Variants in TRAPPC8 observed in about 807,000 individuals in gnomAD.
The protein encoded by TRAPPC8 is general sporulation gene 1 homolog.
A neutral mutation model predicts 174.3 loss-of-function variants in TRAPPC8; 54 were observed. The ratio of observed to expected loss-of-function variants is 0.31; its 90% CI spans 0.25 to 0.39. The LOEUF is 0.39. Ranked by LOEUF, TRAPPC8 falls within the 10% of genes least tolerant of loss-of-function variation. The pLI is 1.00. For missense variants in TRAPPC8, 1,531 were observed against 1,699.1 expected (o/e 0.90, Z 1.74); for synonymous variants, 630 against 579.9 (o/e 1.09, Z -1.24).
rs532332844 is a variant in TRAPPC8, at chr18:31,835,147, G to A, written c.3984-2974C>T. ...CACAGTGACAGTAACTCAGTACAGC[G>A]AGAATTCTTTGGGGGAAAGGGGAAG... On this transcript the variant is annotated intron_variant, in intron 27 of 28. Transcript: ENST00000283351. 1.2e-4 allele frequency among the ~76,000 whole-genome samples: 19 copies of A among 152,196 alleles called. No homozygotes were observed. In the East Asian group the frequency reaches 2.9e-3, roughly 23 times the overall value.
intron 11 of TRAPPC8, chr18:31,896,269 G>A (rs1474039737): frequency 2.6e-5 from 4 of 151,982 alleles, no homozygotes; most frequent in African/African-American, 7.2e-5. Flanking sequence ...ATGAGAACTA[G>A]AACAGTAGAA....
intron 26 of TRAPPC8, among the ~76,000 whole-genome samples, chr18:31,840,904 C>G (rs971511594): frequency 1.3e-5 from 2 of 150,314 alleles, no homozygotes; most frequent in Non-Finnish European, 3.0e-5. Flanking sequence ...CACCCTGGGG[C>G]TACTGGTAAA....
At chr18:31,879,569 GAACA>G (rs1258272325) in intron 12 of TRAPPC8, among the ~76,000 whole-genome samples, 7 of 151,982 alleles carry the variant, frequency 4.6e-5, no homozygotes, top group Admixed American at 2.6e-4. Context: ...ACAGAAACAA[GAACA>G]AACCAAGCCC....
intron 12 of TRAPPC8, among the ~76,000 whole-genome samples, chr18:31,880,090 A>ATATATAT (rs1555668934): frequency 2.1e-4 from 18 of 85,352 alleles, no homozygotes; most frequent in Non-Finnish European, 3.5e-4. Context: ...TGAAAAAAAA[A>ATATATAT]ATATATATAT....
chr18:31,920,577 G>C (rs901470950), intron 2 of TRAPPC8, among the ~76,000 whole-genome samples: 1 of 150,836 alleles, frequency 6.6e-6, no homozygotes, highest in Non-Finnish European at 1.5e-5. Flanking sequence ...GAGGCAGGCA[G>C]ATCGATTGAG....
intron 14 of TRAPPC8, among the ~76,000 whole-genome samples, chr18:31,872,245 G>A (rs2034904598): frequency 6.6e-6 from 1 of 152,012 alleles, no homozygotes; most frequent in African/African-American, 2.4e-5. Flanking sequence ...ATAATGAAGA[G>A]CTTAATATAT....
At chr18:31,855,253 T>C (rs529891777) in intron 21 of TRAPPC8, among the ~76,000 whole-genome samples, 1 of 152,190 alleles carries the variant, frequency 6.6e-6, no homozygotes, top group African/African-American at 2.4e-5. Flanking sequence ...TTTCAGAAAT[T>C]TACTATATAA....
intron 1 of TRAPPC8, among the ~76,000 whole-genome samples, chr18:31,941,283 A>C (rs572899021): frequency 4.5e-4 from 68 of 152,270 alleles, no homozygotes; most frequent in Middle Eastern, 3.4e-3. Flanking sequence ...TCTCTACTAA[A>C]AATACAAAAA....
intron 24 of TRAPPC8, 105 bp downstream of exon 24, chr18:31,852,341 C>A (rs11081719): frequency 2.4e-5 from 31 of 1,309,554 alleles, no homozygotes; most frequent in Middle Eastern, 2.7e-4. Flanking sequence ...TGTCTCCCCC[C>A]CAAAAAAAAG....
intron 11 of TRAPPC8, among the ~76,000 whole-genome samples, chr18:31,891,761 T>C (rs1243602816): frequency 2.6e-5 from 4 of 152,308 alleles, no homozygotes; most frequent in South Asian, 2.1e-4. Context: ...ACAGAAAACA[T>C]TGACTTTAAA....
chr18:31,890,450 T>C (rs928520317), intron 12 of TRAPPC8, among the ~76,000 whole-genome samples: 13 of 152,312 alleles, frequency 8.5e-5, no homozygotes, highest in African/African-American at 2.6e-4. Context: ...CTATCTGGCC[T>C]TTCACAAATG....
At chr18:31,855,592 C>A in intron 21 of TRAPPC8, 68 bp downstream of exon 21, 2 of 1,402,138 alleles carry the variant, frequency 1.4e-6, no homozygotes, top group Non-Finnish European at 9.6e-7. Flanking sequence ...AAACAAAAAC[C>A]ACTACTAAAC....
At chr18:31,854,739 T>C (rs1001752103) in intron 21 of TRAPPC8, among the ~76,000 whole-genome samples, 1 of 151,038 alleles carries the variant, frequency 6.6e-6, no homozygotes, top group Non-Finnish European at 1.5e-5. Flanking sequence ...GAGGCCGAGG[T>C]GGGCGGATTA....
intron 12 of TRAPPC8, among the ~76,000 whole-genome samples, chr18:31,888,378 A>G (rs767481661): frequency 1.3e-5 from 2 of 152,194 alleles, no homozygotes; most frequent in African/African-American, 4.8e-5. Context: ...TACTAAAAAT[A>G]CAGTATTAGC....
chr18:31,932,715 C>T (rs189631357), intron 1 of TRAPPC8, among the ~76,000 whole-genome samples: 321 of 152,288 alleles, frequency 2.1e-3, no homozygotes, highest in African/African-American at 7.2e-3. Context: ...GGCACAGTGG[C>T]TCACGCCTGT....
At chr18:31,854,776 G>A (rs2033905250) in intron 21 of TRAPPC8, among the ~76,000 whole-genome samples, 1 of 151,786 alleles carries the variant, frequency 6.6e-6, no homozygotes, top group Admixed American at 6.6e-5. Flanking sequence ...AGACCATCCT[G>A]GCTAACATGG....
chr18:31,935,972 C>CA (rs1421859518), intron 1 of TRAPPC8, among the ~76,000 whole-genome samples: 2 of 151,484 alleles, frequency 1.3e-5, no homozygotes, highest in Non-Finnish European at 2.9e-5. Flanking sequence ...CTCTTGACCT[C>CA]ATGATCCACC....
intron 14 of TRAPPC8, among the ~76,000 whole-genome samples, chr18:31,871,407 T>A (rs1217279774): frequency 6.6e-6 from 1 of 152,076 alleles, no homozygotes; most frequent in Admixed American, 6.6e-5. Context: ...GCATGGAGAC[T>A]AATATAACAA....
chr18:31,846,662 C>A (rs1385890346), intron 26 of TRAPPC8, 54 bp downstream of exon 26: 6 of 1,351,684 alleles, frequency 4.4e-6, no homozygotes, highest in African/African-American at 1.5e-5. Context: ...CAAACAACAA[C>A]AAAAAAAAAC....
Sources: gnomAD v4.1 joint callset for allele counts (sites outside exome capture counted in the v4.1 genomes callset) on GRCh38, gnomAD v4.1.1 for gene constraint, MANE v1.5 for transcripts, NCBI Gene and HGNC (gene_info 2026-07-23, HGNC 2026-07-21) for gene names.